Variants in PACRG observed in about 807,000 individuals in gnomAD.
PACRG encodes the protein parkin coregulated gene protein.
Under a neutral mutation model 29.7 loss-of-function variants are expected in PACRG, and 29 were observed. The observed-to-expected ratio is 0.98, with a 90% CI of 0.73 to 1.33. The LOEUF (loss-of-function observed/expected upper bound fraction) is 1.33, where lower values mean the gene tolerates loss of function less well. PACRG is among the 40% of genes most tolerant of loss of function. The pLI, the probability that PACRG is intolerant of heterozygous loss-of-function variation, is 0.00. For synonymous variants in PACRG, 116 were observed against 118.7 expected (o/e 0.98, Z 0.15); for missense variants, 279 against 316.2 (o/e 0.88, Z 0.89).
intron 4 of PACRG, among the ~76,000 whole-genome samples, chr6:163,231,889 T>A (rs1457442362): frequency 1.3e-5 from 2 of 152,212 alleles, no homozygotes; most frequent in African/African-American, 4.8e-5. Context: ...GAGCACGCAG[T>A]TACTGTAGGT....
At chr6:162,947,590 A>AC (rs1235717564) in intron 2 of PACRG, among the ~76,000 whole-genome samples, 7 of 77,898 alleles carry the variant, frequency 9.0e-5, no homozygotes, top group Admixed American at 3.9e-4. Flanking sequence ...AATCATATAT[A>AC]TAATCATATA....
chr6:163,015,187 A>G (rs1292476038), intron 2 of PACRG, among the ~76,000 whole-genome samples: 1 of 152,032 alleles, frequency 6.6e-6, no homozygotes, highest in Admixed American at 6.6e-5. Context: ...TGGGTTCTCT[A>G]TTGTGTTCCA....
At chr6:162,921,643 C>T (rs1490563292) in intron 2 of PACRG, among the ~76,000 whole-genome samples, 2 of 152,072 alleles carry the variant, frequency 1.3e-5, no homozygotes, top group Non-Finnish European at 2.9e-5. Context: ...AATTCTTCCC[C>T]CTACCCCCAT....
intron 3 of PACRG, among the ~76,000 whole-genome samples, chr6:163,072,429 A>C (rs1460678999): frequency 6.6e-6 from 1 of 152,170 alleles, no homozygotes. Context: ...AAAACCCCTC[A>C]AAAAACTGAC....
In PACRG at chr6:162,947,325, C is replaced by T. The variant is rs1233852352; in HGVS notation, c.292-114825C>T. 7.8e-3 allele frequency among the ~76,000 whole-genome samples: 197 copies of T among 25,248 alleles called. 3 individuals carry two copies. The highest frequency in any genetic ancestry group is 0.015 in the African/African-American group (173 of 11,290). The allele number at this position is 25,248 out of a possible 152,430, so 16.6% of individuals were successfully genotyped here. The stretch of plus-strand genomic sequence containing the variant: ...ATAATATATATAATCATATATAATA[C>T]ATATAATCATATATATAATGATTAC... On this transcript the variant is annotated intron_variant, in intron 2 of 4. Transcript: ENST00000366888.
chr6:163,057,443 T>C (rs1042131848), intron 2 of PACRG, among the ~76,000 whole-genome samples: 2 of 151,994 alleles, frequency 1.3e-5, no homozygotes, highest in African/African-American at 2.4e-5. Context: ...CCAGACAGAG[T>C]CTCACTCTGT....
At chr6:163,071,220 C>T (rs1032692469) in intron 3 of PACRG, among the ~76,000 whole-genome samples, 9 of 152,176 alleles carry the variant, frequency 5.9e-5, no homozygotes, top group African/African-American at 1.9e-4. Context: ...CAGAACATTT[C>T]ATCCAATGGC....
At chr6:162,736,252 T>C (rs557784546) in intron 1 of PACRG, among the ~76,000 whole-genome samples, 9 of 152,360 alleles carry the variant, frequency 5.9e-5, no homozygotes, top group African/African-American at 2.2e-4. Context: ...CAGTGAGAGC[T>C]AAGTACACGT....
chr6:162,813,697 T>C (rs1219762757), intron 1 of PACRG, among the ~76,000 whole-genome samples: 3 of 152,144 alleles, frequency 2.0e-5, no homozygotes, highest in Non-Finnish European at 2.9e-5. Context: ...GAGAACATAT[T>C]CCACTATTTT....
At chr6:162,883,097 A>G (rs2128021067) in intron 2 of PACRG, among the ~76,000 whole-genome samples, 1 of 152,094 alleles carries the variant, frequency 6.6e-6, no homozygotes, top group South Asian at 2.1e-4. Context: ...AATGAAACTA[A>G]TTTTTAAATG....
chr6:162,922,146 C>T (rs1017470104), intron 2 of PACRG, among the ~76,000 whole-genome samples: 3 of 151,586 alleles, frequency 2.0e-5, no homozygotes, highest in African/African-American at 7.3e-5. Context: ...CCCGGGGTCT[C>T]TTAGGAATTT....
intron 4 of PACRG, among the ~76,000 whole-genome samples, chr6:163,121,448 G>A (rs1014927328): frequency 6.6e-6 from 1 of 151,994 alleles, no homozygotes; most frequent in African/African-American, 2.4e-5. Flanking sequence ...ACAGAGTCAT[G>A]GGCTCACTCT....
chr6:163,285,790 C>T (rs754468700), intron 4 of PACRG, among the ~76,000 whole-genome samples: 11 of 152,190 alleles, frequency 7.2e-5, no homozygotes, highest in Non-Finnish European at 1.6e-4. Context: ...ATAAATTCCT[C>T]TCAGGTAGAT....
intron 2 of PACRG, among the ~76,000 whole-genome samples, chr6:163,011,542 G>A (rs991273651): frequency 2.6e-5 from 4 of 152,054 alleles, no homozygotes; most frequent in African/African-American, 9.7e-5. Flanking sequence ...TGATTGTGAG[G>A]GCCTAGGGTA....
At chr6:163,012,018 C>T (rs1235276591) in intron 2 of PACRG, among the ~76,000 whole-genome samples, 1 of 152,102 alleles carries the variant, frequency 6.6e-6, no homozygotes, top group Non-Finnish European at 1.5e-5. Context: ...ACAGGTGTCA[C>T]ACTAACTGAG....
chr6:163,037,093 A>C (rs1808271450), intron 2 of PACRG, among the ~76,000 whole-genome samples: 1 of 152,190 alleles, frequency 6.6e-6, no homozygotes, highest in Non-Finnish European at 1.5e-5. Flanking sequence ...AATGTGCAAA[A>C]CACTGTAACC....
At chr6:163,206,940 A>G (rs188030898) in intron 4 of PACRG, among the ~76,000 whole-genome samples, 1 of 152,244 alleles carries the variant, frequency 6.6e-6, no homozygotes, top group Admixed American at 6.5e-5. Flanking sequence ...TGAAAATATC[A>G]TACTTCATTT....
At chr6:162,947,282 A>G (rs1799091694) in intron 2 of PACRG, among the ~76,000 whole-genome samples, 1 of 76,034 alleles carries the variant, frequency 1.3e-5, no homozygotes, top group African/African-American at 5.1e-5. Flanking sequence ...AACCATATAT[A>G]ATCATACATA....
At position 162,950,440 on chromosome 6, in the gene PACRG, G is replaced by A. The variant is rs191603954; in HGVS notation, c.292-111710G>A. Among the ~76,000 whole-genome samples the A allele has an allele frequency of 1.1e-3, 174 of 152,194 alleles. 1 individual carries two copies. Among genetic ancestry groups the A allele is most frequent in the African/African-American group, 3.8e-3 (156 of 41,542 alleles). On this transcript the variant is annotated intron_variant, in intron 2 of 4. Coordinates refer to ENST00000366888, the MANE Select transcript of PACRG (RefSeq NM_001080379.2). ...GGAGAATGGCATGAACCCGGGAGGC[G>A]GAGCTTGCAGTGAGCCAAGATCATG...
Sources: allele counts gnomAD v4.1 joint callset (sites outside exome capture counted in the v4.1 genomes callset), GRCh38; gene constraint gnomAD v4.1.1; transcripts MANE v1.5; gene names NCBI Gene and HGNC (gene_info 2026-07-23, HGNC 2026-07-21).